Variants in INPP4B observed in about 807,000 individuals in gnomAD.
INPP4B encodes inositol polyphosphate 4-phosphatase type II.
In INPP4B, 55 loss-of-function variants were observed where a neutral mutation model predicts 122.5. That is an observed-to-expected ratio of 0.45 (90% CI 0.36 to 0.56). The LOEUF is 0.56. Ranked by LOEUF, INPP4B falls within the 20% of genes least tolerant of loss-of-function variation. The pLI is 0.00. For missense variants in INPP4B, 1,000 were observed against 1,097.7 expected, an observed-to-expected ratio of 0.91 and a Z score of 1.26; for synonymous variants, 403 against 388.7, an observed-to-expected ratio of 1.04 and a Z score of -0.43.
At chr4:142,367,091 A>T (rs1448971164) in intron 7 of INPP4B, among the ~76,000 whole-genome samples, 3 of 152,098 alleles carry the variant, frequency 2.0e-5, no homozygotes, top group Non-Finnish European at 4.4e-5. Flanking sequence ...GTAGGGCTGC[A>T]GGACCAGACA....
chr4:142,046,070 T>TAA (rs3841997), intron 25 of INPP4B, among the ~76,000 whole-genome samples: 5 of 151,364 alleles, frequency 3.3e-5, no homozygotes, highest in Non-Finnish European at 7.4e-5. Context: ...TTATTGGTAA[T>TAA]AAAAAAATGT....
intron 25 of INPP4B, among the ~76,000 whole-genome samples, chr4:142,058,176 C>T (rs1015930574): frequency 1.3e-5 from 2 of 152,098 alleles, no homozygotes; most frequent in African/African-American, 2.4e-5. Flanking sequence ...CCATGCAAAT[C>T]CTAGTTACTC....
intron 25 of INPP4B, among the ~76,000 whole-genome samples, chr4:142,057,191 T>A (rs1215539795): frequency 6.6e-6 from 1 of 152,036 alleles, no homozygotes; most frequent in Admixed American, 6.6e-5. Flanking sequence ...AATTAGGAAA[T>A]GTAGTAGCAC....
intron 15 of INPP4B, among the ~76,000 whole-genome samples, chr4:142,183,951 C>T (rs1832024827): frequency 1.3e-5 from 2 of 151,908 alleles, no homozygotes; most frequent in Admixed American, 1.3e-4. Context: ...CATGTAGCCA[C>T]AGCTATAGTG....
intron 11 of INPP4B, among the ~76,000 whole-genome samples, chr4:142,257,121 T>A (rs963370493): frequency 5.9e-5 from 9 of 152,104 alleles, no homozygotes; most frequent in Non-Finnish European, 8.8e-5. Flanking sequence ...ATTATCTCAA[T>A]AGATGCAGAA....
At chr4:142,697,528 GTCAA>G (rs923033060) in intron 2 of INPP4B, among the ~76,000 whole-genome samples, 1 of 152,186 alleles carries the variant, frequency 6.6e-6, no homozygotes, top group Non-Finnish European at 1.5e-5. Flanking sequence ...ACATAAAACT[GTCAA>G]TCAATCTTAA....
intron 9 of INPP4B, among the ~76,000 whole-genome samples, chr4:142,292,719 T>C (rs1314848018): frequency 6.6e-6 from 1 of 152,234 alleles, no homozygotes; most frequent in Non-Finnish European, 1.5e-5. Context: ...AATTTGTTTT[T>C]ATCAATCAGT....
intron 9 of INPP4B, among the ~76,000 whole-genome samples, chr4:142,289,440 T>C (rs1336377291): frequency 1.3e-5 from 2 of 152,180 alleles, no homozygotes; most frequent in African/African-American, 2.4e-5. Flanking sequence ...CATAGGTAAA[T>C]GTGTGTCATG....
chr4:142,842,783 T>C (rs1783693313), intron 1 of INPP4B, among the ~76,000 whole-genome samples: 1 of 132,740 alleles, frequency 7.5e-6, no homozygotes, highest in South Asian at 2.2e-4. Context: ...AATATACTGA[T>C]ATATAAATAT....
At chr4:142,574,269 A>G (rs1296421904) in intron 2 of INPP4B, among the ~76,000 whole-genome samples, 2 of 152,040 alleles carry the variant, frequency 1.3e-5, no homozygotes, top group Non-Finnish European at 2.9e-5. Flanking sequence ...GTACTCTGCA[A>G]TCTCAACATG....
intron 7 of INPP4B, among the ~76,000 whole-genome samples, chr4:142,358,743 G>A (rs1023166480): frequency 6.7e-6 from 1 of 150,258 alleles, no homozygotes; most frequent in Non-Finnish European, 1.5e-5. Flanking sequence ...TTCCTCCCAC[G>A]ATAACAATCA....
chr4:142,459,289 G>GAAAAAAAAAAAAAAAAAA (rs201442354), intron 3 of INPP4B, among the ~76,000 whole-genome samples: 2 of 97,084 alleles, frequency 2.1e-5, no homozygotes, highest in Non-Finnish European at 5.0e-5. Context: ...ACAAACAAAT[G>GAAAAAAAAAAAAAAAAAA]AAAAAAAAAA....
In INPP4B at chr4:142,591,835, G is replaced by C. The variant is rs115745428; in HGVS notation, c.-190-129109C>G. ...TTCCAGTAGAGAGACATTCTACAAA[G>C]AGCCTGACTAAAACTGTCAAGGTCA... On this transcript the variant is annotated intron_variant, in intron 2 of 25. Transcript: ENST00000262992. 6.8e-3 allele frequency among the ~76,000 whole-genome samples: 1,040 copies of C among 152,226 alleles called. 8 individuals carry two copies. Among genetic ancestry groups the C allele is most frequent in the Non-Finnish European group, 0.011 (765 of 68,006 alleles).
intron 7 of INPP4B, among the ~76,000 whole-genome samples, chr4:142,397,250 G>A (rs1799644328): frequency 6.6e-6 from 1 of 152,126 alleles, no homozygotes; most frequent in African/African-American, 2.4e-5. Flanking sequence ...CATTTCAAAA[G>A]GCAGAGGCTG....
intron 2 of INPP4B, among the ~76,000 whole-genome samples, chr4:142,583,015 T>C (rs542585767): frequency 6.6e-6 from 1 of 152,248 alleles, no homozygotes; most frequent in South Asian, 2.1e-4. Context: ...TTGCTAAGAC[T>C]GAGTCTCACC....
chr4:142,705,114 TG>T (rs1318602441), intron 2 of INPP4B, among the ~76,000 whole-genome samples: 3 of 152,194 alleles, frequency 2.0e-5, no homozygotes, highest in Non-Finnish European at 4.4e-5. Flanking sequence ...TGCCTCTGAC[TG>T]TTCTTAAACT....
At chr4:142,632,117 C>G (rs933360451) in intron 2 of INPP4B, among the ~76,000 whole-genome samples, 17 of 152,064 alleles carry the variant, frequency 1.1e-4, no homozygotes, top group African/African-American at 3.1e-4. Flanking sequence ...TTGACATGTT[C>G]TTACACTAAG....
chr4:142,597,028 T>C (rs1224799450), intron 2 of INPP4B, among the ~76,000 whole-genome samples: 1 of 152,230 alleles, frequency 6.6e-6, no homozygotes, highest in Non-Finnish European at 1.5e-5. Flanking sequence ...ACAATTATGA[T>C]GGACTAAGTA....
intron 16 of INPP4B, among the ~76,000 whole-genome samples, chr4:142,162,147 T>C (rs1199397355): frequency 6.6e-6 from 1 of 151,644 alleles, no homozygotes; most frequent in East Asian, 1.9e-4. Flanking sequence ...GAAGCCACTT[T>C]GAAGGTGAGA....
Sources: allele counts gnomAD v4.1 joint callset (sites outside exome capture counted in the v4.1 genomes callset), GRCh38; gene constraint gnomAD v4.1.1; transcripts MANE v1.5; gene names NCBI Gene and HGNC (gene_info 2026-07-23, HGNC 2026-07-21).